BCAS3: variants seen among roughly 807,000 people sequenced by gnomAD.
BCAS3 encodes the protein BCAS4/BCAS3 fusion.
Under a neutral mutation model 116.1 loss-of-function variants are expected in BCAS3, and 53 were observed. That is an observed-to-expected ratio of 0.46 (90% CI 0.37 to 0.57). The LOEUF (loss-of-function observed/expected upper bound fraction) is 0.57. Among genes scored for constraint, BCAS3 ranks in the 20% least tolerant of loss-of-function variants. The pLI is 0.00. For synonymous variants in BCAS3, 391 were observed against 408.2 expected, an observed-to-expected ratio of 0.96 and a Z score of 0.51; for missense variants, 917 against 1,165.4, an observed-to-expected ratio of 0.79 and a Z score of 3.10.
At position 60,894,107 on chromosome 17, in the gene BCAS3, A is replaced by G. The variant is rs569540562; in HGVS notation, c.738+4336A>G. 6.5e-4 allele frequency among the ~76,000 whole-genome samples: 99 copies of G among 151,682 alleles called. 1 individual carries two copies. Among genetic ancestry groups the G allele is most frequent in the Admixed American group, 1.3e-3 (20 of 15,246 alleles). On this transcript the variant is annotated intron_variant, in intron 10 of 23. Transcript: ENST00000407086. ...ATGAACTTTAGGATAGCTTTTTCCA[A>G]TTCTGTGGAAAAAACATTAATAATT...
chr17:60,742,663 C>T (rs958678505), intron 5 of BCAS3, among the ~76,000 whole-genome samples: 6 of 151,682 alleles, frequency 4.0e-5, no homozygotes, highest in South Asian at 2.1e-4. Context: ...GAACTCATGA[C>T]CTCAAGTGTT....
chr17:60,811,185 G>A, intron 7 of BCAS3: 1 of 666,084 alleles, frequency 1.5e-6, no homozygotes, highest in African/African-American at 1.8e-5. Flanking sequence ...AGATCCTGTA[G>A]ACTGGATCCT....
At chr17:60,727,325 G>T in intron 5 of BCAS3, 1 of 1,315,048 alleles carries the variant, frequency 7.6e-7, no homozygotes, top group Non-Finnish European at 1.1e-6. Context: ...CAGGAAAACT[G>T]GCCTTCTCTG....
intron 8 of BCAS3, among the ~76,000 whole-genome samples, chr17:60,873,137 G>A (rs945820074): frequency 2.0e-5 from 3 of 151,922 alleles, no homozygotes; most frequent in African/African-American, 7.3e-5. Context: ...ACCTTTATAA[G>A]GATATTATCT....
intron 14 of BCAS3, among the ~76,000 whole-genome samples, chr17:60,978,820 C>A (rs1194443601): frequency 6.1e-4 from 87 of 142,446 alleles, no homozygotes; most frequent in African/African-American, 1.6e-3. Context: ...TGTAGATATG[C>A]GGCGTTATTT....
rs927170287 is a variant in BCAS3, at chr17:61,051,198, A to G, written c.2029+10306A>G. Among the ~76,000 whole-genome samples, 1 of 151,914 alleles carries G rather than the reference A, an allele frequency of 6.6e-6. No individual in the cohort carries two copies. Among genetic ancestry groups the G allele is most frequent in the Non-Finnish European group, 1.5e-5 (1 of 67,832 alleles). On this transcript the variant is annotated intron_variant, in intron 19 of 23. Coordinates refer to ENST00000407086, the MANE Select transcript of BCAS3 (RefSeq NM_017679.5). The surrounding 1 kb of genome is among the most constrained non-coding windows in gnomAD (Gnocchi z 4.1). The stretch of plus-strand genomic sequence containing the variant: ...TCAAGAAAATTAAAAGCCCATCTCC[A>G]AAGTTTCCACACTGCATGATTTCAT...
chr17:61,027,513 T>G (rs942315522), intron 16 of BCAS3: 20 of 370,908 alleles, frequency 5.4e-5, no homozygotes, highest in African/African-American at 3.6e-4. Context: ...TTCTTTCATG[T>G]CAGTGCACAG....
intron 6 of BCAS3, among the ~76,000 whole-genome samples, chr17:60,787,360 GC>G (rs1013266329): frequency 2.0e-5 from 3 of 151,988 alleles, no homozygotes; most frequent in African/African-American, 7.2e-5. Context: ...AGTTTTCCCT[GC>G]TTTTGATGTT....
chr17:60,932,473 G>T (rs914950712), intron 13 of BCAS3, among the ~76,000 whole-genome samples: 2 of 152,184 alleles, frequency 1.3e-5, no homozygotes, highest in African/African-American at 4.8e-5. Flanking sequence ...CGGGCACGGT[G>T]GCTCACGCCT....
At chr17:60,907,726 T>C (rs1404853550) in intron 11 of BCAS3, among the ~76,000 whole-genome samples, 2 of 152,188 alleles carry the variant, frequency 1.3e-5, no homozygotes, top group Non-Finnish European at 2.9e-5. Flanking sequence ...AGTCTAATTT[T>C]TCATCTCCTT....
Position 61,007,045 on chromosome 17 carries a change from C to T in BCAS3, c.1487-8706C>T, listed in dbSNP as rs1192590467. ...TGCTCTAAGAATAATAAGTAATGAA[C>T]TTACCACTTTGAGGGAGGAGATTTT... On this transcript the variant is annotated intron_variant, in intron 15 of 23. Coordinates refer to ENST00000407086, the MANE Select transcript of BCAS3 (RefSeq NM_017679.5). This position sits in a 1 kb window ranked among gnomAD's most constrained non-coding sequence, Gnocchi z 4.3. Among the ~76,000 whole-genome samples, 1 of 152,008 alleles carries T rather than the reference C, an allele frequency of 6.6e-6. No individual in the cohort carries two copies. The highest frequency in any genetic ancestry group is 1.5e-5 in the Non-Finnish European group (1 of 67,978).
rs2051761242 is a variant in BCAS3, at chr17:61,286,225, C to T, written c.2426-82102C>T. Reference sequence around the variant, plus strand: ...ACCATCCCTTGGGGAGCCTGCAGGGCGGGGTGCGGAGGGTCTGCGGGGGTG... The same window carrying T: ...ACCATCCCTTGGGGAGCCTGCAGGGTGGGGTGCGGAGGGTCTGCGGGGGTG... On this transcript the variant is annotated intron_variant, in intron 22 of 23. Transcript: ENST00000407086. The surrounding 1 kb of genome is among the most constrained non-coding windows in gnomAD (Gnocchi z 4.8). Among the ~76,000 whole-genome samples the T allele has an allele frequency of 6.6e-6, 1 of 152,070 alleles. No individual in the cohort carries two copies. Among genetic ancestry groups the T allele is most frequent in the Non-Finnish European group, 1.5e-5 (1 of 68,010 alleles).
At chr17:61,044,465 A>AAAAAAAATATATAT in intron 19 of BCAS3, among the ~76,000 whole-genome samples, 14 of 120,120 alleles carry the variant, frequency 1.2e-4, no homozygotes, top group African/African-American at 7.0e-4. Flanking sequence ...AAAAAAAAAA[A>AAAAAAAATATATAT]ATATATATAT....
intron 22 of BCAS3, among the ~76,000 whole-genome samples, chr17:61,165,246 G>A (rs2078419176): frequency 6.6e-6 from 1 of 152,134 alleles, no homozygotes; most frequent in African/African-American, 2.4e-5. Flanking sequence ...GGATCCAAAG[G>A]AATTAGAATG....
chr17:60,760,042 C>T (rs565966918), intron 6 of BCAS3, among the ~76,000 whole-genome samples: 60 of 152,286 alleles, frequency 3.9e-4, no homozygotes, highest in Middle Eastern at 3.4e-3. Flanking sequence ...TATCTTTTTT[C>T]CATCCCTTTA....
chr17:60,945,336 C>G (rs948317876), intron 13 of BCAS3, among the ~76,000 whole-genome samples: 1 of 152,094 alleles, frequency 6.6e-6, no homozygotes, highest in Non-Finnish European at 1.5e-5. Flanking sequence ...TTATTACACT[C>G]AATACAGTTC....
chr17:60,680,107 C>T (rs2032776622), intron 2 of BCAS3, among the ~76,000 whole-genome samples: 1 of 130,226 alleles, frequency 7.7e-6, no homozygotes, highest in African/African-American at 2.9e-5. Context: ...GCACCCTAGC[C>T]TGGGCGACAC....
rs1264730313 is a variant in BCAS3, at chr17:61,189,120, AAAAAG to A, written c.2425+104558_2425+104562del. Among the ~76,000 whole-genome samples the A allele has an allele frequency of 6.6e-6, 1 of 152,150 alleles. No individual in the cohort carries two copies. The highest frequency in any genetic ancestry group is 2.4e-5 in the African/African-American group (1 of 41,420). On this transcript the variant is annotated intron_variant, in intron 22 of 23. Coordinates refer to ENST00000407086, the MANE Select transcript of BCAS3 (RefSeq NM_017679.5). This position sits in a 1 kb window ranked among gnomAD's most constrained non-coding sequence, Gnocchi z 4.5. ...CCTGCCTGAAAACAAAACAAAACAAAAAAAGAGAGAGAGAGAGAGAACAGCACACT... is the reference window on the plus strand; with the variant it reads ...CCTGCCTGAAAACAAAACAAAACAAAAGAGAGAGAGAGAGAACAGCACACT...
At chr17:61,295,776 C>A (rs1408971359) in intron 22 of BCAS3, among the ~76,000 whole-genome samples, 3 of 150,732 alleles carry the variant, frequency 2.0e-5, no homozygotes, top group Admixed American at 6.6e-5. Context: ...CATGGTGAAA[C>A]CCCCGTCTCT....
Sources: gnomAD v4.1 joint callset for allele counts (sites outside exome capture counted in the v4.1 genomes callset) on GRCh38, gnomAD v4.1.1 for gene constraint, Gnocchi (gnomAD v3.1) non-coding constraint, MANE v1.5 for transcripts, NCBI Gene and HGNC (gene_info 2026-07-23, HGNC 2026-07-21) for gene names.